The following BIRC6 variants were observed in gnomAD, a reference collection of about 807,000 sequenced individuals.
The protein encoded by BIRC6 is baculoviral IAP repeat containing 6, also known as dual E2 ubiquitin-conjugating enzyme/E3 ubiquitin-protein ligase BIRC6.
A neutral mutation model predicts 503.3 loss-of-function variants in BIRC6; 98 were observed. The ratio of observed to expected loss-of-function variants is 0.19; its 90% CI spans 0.17 to 0.23. The LOEUF (loss-of-function observed/expected upper bound fraction) is 0.23. BIRC6 is among the 10% of genes least tolerant of loss of function. The pLI is 1.00. For missense variants in BIRC6, 5,360 were observed against 5,806.0 expected (o/e 0.92, Z 2.50); for synonymous variants, 2,240 against 2,078.7 (o/e 1.08, Z -2.11).
chr2:32,595,606 A>G (rs1430771196), intron 68 of BIRC6, among the ~76,000 whole-genome samples: 2 of 152,256 alleles, frequency 1.3e-5, no homozygotes, highest in South Asian at 2.1e-4. Context: ...CAAAAAGATT[A>G]TATCAGTACC....
Position 32,410,139 on chromosome 2 carries a change from A to G in BIRC6, c.1477+3582A>G, listed in dbSNP as rs542300715. Among the ~76,000 whole-genome samples, 278 of 152,272 alleles carry G rather than the reference A, an allele frequency of 1.8e-3. 2 individuals carry two copies. Among genetic ancestry groups the G allele is most frequent in the Admixed American group, 3.7e-3 (56 of 15,296 alleles). On this transcript the variant is annotated intron_variant, in intron 9 of 73. Coordinates refer to ENST00000421745, the MANE Select transcript of BIRC6 (RefSeq NM_016252.4). ...TAGACCAAAATTGTTTTTTCTTGGC[A>G]GTTTCCTACATAGATTAGAAAGAAA...
At chr2:32,448,433 G>A (rs1463754575) in intron 21 of BIRC6, among the ~76,000 whole-genome samples, 1 of 150,906 alleles carries the variant, frequency 6.6e-6, no homozygotes, top group Non-Finnish European at 1.5e-5. Flanking sequence ...CGGATCACTC[G>A]CGGTTAGGAG....
chr2:32,476,491 C>A, intron 34 of BIRC6, 147 bp downstream of exon 34: 1 of 698,748 alleles, frequency 1.4e-6, no homozygotes, highest in Non-Finnish European at 2.2e-6. Context: ...GGTAGTTTAA[C>A]TGAAGGAAAT....
chr2:32,500,108 T>A lies in BIRC6; in HGVS notation c.9030T>A (p.Ile3010=). Residue 3010 remains isoleucine, a splice_region_variant and synonymous_variant, in exon 46 of 74, where the codon ATT becomes ATA. Transcript: ENST00000421745. ...LCNSSAMAMI[I]GASGLHLTKH... is the part of the protein sequence containing the mutation. ...ATAGCAGTGCCATGGCAATGATAAT[T>A]GGTATGTATTGAGAATATTAATCTT... is the stretch of plus-strand genomic sequence containing the variant. The A allele has an allele frequency of 1.3e-6, 2 of 1,599,506 alleles. No individual in the cohort carries two copies. The highest frequency in any genetic ancestry group is 1.7e-6 in the Non-Finnish European group (2 of 1,171,680).
chr2:32,392,135 T>A lies in BIRC6; in HGVS notation c.936T>A (p.Ala312=). The change falls in exon 5 of 74, where the codon GCT becomes GCA. Residue 312 remains alanine, a synonymous_variant. Coordinates refer to ENST00000421745, the MANE Select transcript of BIRC6 (RefSeq NM_016252.4). The part of the protein sequence containing the change: ...RWAQPDPMAQ[A]GFYHQPASSG... ...CACAACCAGATCCCATGGCTCAAGC[T>A]GGATTTTATCATCAGGTAAAAAAAG... The A allele has an allele frequency of 1.9e-6, 3 of 1,584,144 alleles. No homozygotes were observed. Among genetic ancestry groups the A allele is most frequent in the Non-Finnish European group, 2.6e-6 (3 of 1,162,784 alleles).
At chr2:32,510,026 C>T (rs2054232816) in intron 52 of BIRC6, 32 bp downstream of exon 52, 2 of 1,605,796 alleles carry the variant, frequency 1.2e-6, no homozygotes, top group Non-Finnish European at 1.7e-6. Context: ...TAAATGTTTA[C>T]ATATCTGTAA....
chr2:32,541,849 TAC>T (rs749242047), intron 61 of BIRC6, among the ~76,000 whole-genome samples: 9 of 152,288 alleles, frequency 5.9e-5, no homozygotes, highest in Non-Finnish European at 4.4e-5. Flanking sequence ...GATAACCATA[TAC>T]AGTTATACAA....
rs1293509479 is a variant in BIRC6, at chr2:32,499,608, C to G, written c.8530C>G (p.Leu2844Val). The G allele has an allele frequency of 3.1e-6, 5 of 1,613,732 alleles. No individual in the cohort carries two copies. The highest frequency in any genetic ancestry group is 1.3e-5 in the African/African-American group (1 of 74,912). The part of the protein sequence containing the change: ...DAQVKLLEFT[L>V]EQNFEVVSVS... ...CCAAGTGAAGCTCTTAGAATTCACT[C>G]TGGAGCAGAATTTTGAAGTCGTTTC... Residue 2844 changes from leucine to valine, a missense_variant, in exon 46 of 74, where the codon CTG becomes GTG. Leu to Val is a conservative substitution (Grantham distance 32). This residue lies in a region of BIRC6 where 2,299 missense variants were observed against 2,267.2 expected (regional missense o/e 1.01). Transcript: ENST00000421745.
intron 3 of BIRC6, among the ~76,000 whole-genome samples, chr2:32,386,639 T>C (rs2038514329): frequency 1.3e-5 from 2 of 152,116 alleles, no homozygotes; most frequent in African/African-American, 4.8e-5. Context: ...GAGATCTTGC[T>C]ATGTTGACCA....
intron 4 of BIRC6, among the ~76,000 whole-genome samples, chr2:32,391,700 A>T (rs1267183617): frequency 6.6e-6 from 1 of 152,226 alleles, no homozygotes; most frequent in Admixed American, 6.5e-5. Context: ...TGGACTTCTC[A>T]AAAAGTTTAC....
chr2:32,503,310 TG>T, intron 49 of BIRC6, 74 bp downstream of exon 49: 1 of 1,250,010 alleles, frequency 8.0e-7, no homozygotes, highest in Non-Finnish European at 1.1e-6. Flanking sequence ...CAAAATTAGT[TG>T]AAGTCAGTTG....
intron 8 of BIRC6, among the ~76,000 whole-genome samples, chr2:32,402,067 A>G (rs939881875): frequency 6.6e-6 from 1 of 152,232 alleles, no homozygotes; most frequent in African/African-American, 2.4e-5. Flanking sequence ...GAGGTGAGGC[A>G]AGAGGATCTA....
At position 32,453,914 on chromosome 2, in the gene BIRC6, T is replaced by C. The variant is rs1385188208; in HGVS notation, c.4725T>C (p.Asp1575=). ...ACTTTACTTGTGTGTCAACTAGTGA[T>C]GGAACCAGAATAGAAAGGGATGATG... The part of the protein sequence containing the change: ...PLHFTCVSTS[D]GTRIERDDAM... The change falls in exon 23 of 74, where the codon GAT becomes GAC. Residue 1575 remains aspartate, a synonymous_variant. Transcript: ENST00000421745. The C allele has an allele frequency of 6.2e-7, 1 of 1,613,528 alleles. No individual in the cohort carries two copies. The highest frequency in any genetic ancestry group is 2.2e-5 in the East Asian group (1 of 44,860).
intron 1 of BIRC6, among the ~76,000 whole-genome samples, chr2:32,366,044 C>T (rs951717341): frequency 6.6e-5 from 10 of 152,012 alleles, no homozygotes; most frequent in Non-Finnish European, 5.9e-5. Context: ...GCCACCATGC[C>T]CAGGTAATTT....
At chr2:32,417,527 A>G (rs1004873025) in intron 10 of BIRC6, among the ~76,000 whole-genome samples, 3 of 152,186 alleles carry the variant, frequency 2.0e-5, no homozygotes, top group African/African-American at 7.2e-5. Flanking sequence ...GGCAAAATGA[A>G]TAGTTCTATT....
chr2:32,363,987 CTG>C (rs1457541446), intron 1 of BIRC6, among the ~76,000 whole-genome samples: 4 of 152,176 alleles, frequency 2.6e-5, no homozygotes, highest in Admixed American at 6.5e-5. Context: ...ATACAGTAAT[CTG>C]TGTTTGGATA....
At chr2:32,445,459 A>G in intron 20 of BIRC6, 62 bp from the exon 21 acceptor site, 2 of 1,396,014 alleles carry the variant, frequency 1.4e-6, no homozygotes, top group Non-Finnish European at 1.9e-6. Flanking sequence ...GTAATCTTAA[A>G]TTCTCATTGT....
rs141924595 is a variant in BIRC6 at position 32,524,958 on chromosome 2, G to C, written c.11694G>C (p.Glu3898Asp). 110 of 1,552,164 alleles carry C rather than the reference G, an allele frequency of 7.1e-5. No homozygotes were observed. Among genetic ancestry groups the C allele is most frequent in the Non-Finnish European group, 8.8e-5 (101 of 1,149,720 alleles). The change falls in exon 58 of 74, where the codon GAG (glutamate) becomes GAC (aspartate). Residue 3898 changes from glutamate to aspartate, a missense_variant. Physicochemically the swap from Glu to Asp is conservative, Grantham distance 45 (BLOSUM62 2). Around this residue, in one of 16 missense-constraint regions of BIRC6, gnomAD observed 878 missense variants for 928.9 expected, o/e 0.95. Transcript: ENST00000421745. ...KDDKEKKNHE[E>D]KEKVKAENGF... ...ACAAAGAAAAGAAAAACCATGAAGA[G>C]AAAGAAAAAGTTAAAGCGGAAAATG...
chr2:32,502,701 C>A, intron 47 of BIRC6, 94 bp from the exon 48 acceptor site: 1 of 934,124 alleles, frequency 1.1e-6, no homozygotes, highest in Non-Finnish European at 1.5e-6. Context: ...TGTCAGTTTA[C>A]AAAAATTAAC....
Sources: gnomAD v4.1 joint callset for allele counts (sites outside exome capture counted in the v4.1 genomes callset) on GRCh38, gnomAD v4.1.1 for gene constraint, gnomAD v4.1.1 regional missense constraint, MANE v1.5 for transcripts, NCBI Gene and HGNC (gene_info 2026-07-23, HGNC 2026-07-21) for gene names.